Variants in CAST observed in about 807,000 individuals in gnomAD.
The protein encoded by CAST is MIR583 host.
In CAST, 76 loss-of-function variants were observed where a neutral mutation model predicts 119.6. The ratio of observed to expected loss-of-function variants is 0.64; its 90% CI spans 0.53 to 0.77. CAST has a LOEUF of 0.77. Ranked by LOEUF, CAST falls within the 30% of genes least tolerant of loss-of-function variation. CAST has a pLI of 0.00. For missense variants in CAST, 953 were observed against 946.5 expected, an observed-to-expected ratio of 1.01 and a Z score of -0.09; for synonymous variants, 319 against 331.6, an observed-to-expected ratio of 0.96 and a Z score of 0.41.
At chr5:96,034,527 C>T in the CAST span, among the ~76,000 whole-genome samples, 1 of 111,398 alleles carries the variant, frequency 9.0e-6, no homozygotes, top group Non-Finnish European at 2.0e-5. Flanking sequence ...GTGTATGCAT[C>T]CATTATATAT....
intron 1 of CAST, among the ~76,000 whole-genome samples, chr5:96,622,855 C>CTATTTTTT (rs1580850207): frequency 1.7e-5 from 1 of 58,812 alleles, no homozygotes; most frequent in Non-Finnish European, 3.2e-5. Flanking sequence ...ACTTATGGGA[C>CTATTTTTT]TCTTTTTTTT....
At chr5:96,354,385 A>G in the CAST span, among the ~76,000 whole-genome samples, 1 of 152,148 alleles carries the variant, frequency 6.6e-6, no homozygotes, top group Admixed American at 6.6e-5. Context: ...CACCCCATCT[A>G]TGTAGCTTCT....
At chr5:96,586,696 C>A (rs1746867405) in intron 1 of CAST, among the ~76,000 whole-genome samples, 1 of 152,194 alleles carries the variant, frequency 6.6e-6, no homozygotes, top group Non-Finnish European at 1.5e-5. Context: ...AGATTTGACC[C>A]TTACAACCAA....
chr5:96,640,092 A>T (rs770256003), intron 1 of CAST, among the ~76,000 whole-genome samples: 1 of 152,218 alleles, frequency 6.6e-6, no homozygotes, highest in Non-Finnish European at 1.5e-5. Context: ...CTCATGTGAC[A>T]TGCATGTATC....
At chr5:96,738,032 C>A in intron 11 of CAST, 85 bp downstream of exon 11, 1 of 767,152 alleles carries the variant, frequency 1.3e-6, no homozygotes, top group African/African-American at 1.8e-5. Flanking sequence ...CAAAAGAATA[C>A]CTAGTGAGGC....
At chr5:96,414,070 C>T in the CAST span, among the ~76,000 whole-genome samples, 3,252 of 142,790 alleles carry the variant, frequency 0.023, 118 homozygotes, top group African/African-American at 0.081. Flanking sequence ...ACCCGGGAGG[C>T]GGAGCTTGCA....
the CAST span, among the ~76,000 whole-genome samples, chr5:96,458,399 C>A: frequency 6.6e-6 from 1 of 152,098 alleles, no homozygotes; most frequent in Non-Finnish European, 1.5e-5. Flanking sequence ...CTAGAGAAGT[C>A]ATTACTACAC....
chr5:96,723,253 C>T (rs1296989324), intron 4 of CAST, among the ~76,000 whole-genome samples: 1 of 152,130 alleles, frequency 6.6e-6, no homozygotes, highest in Non-Finnish European at 1.5e-5. Context: ...GAATGAGCCA[C>T]CGTGCCCGTG....
At chr5:96,627,831 G>GAAT (rs1264982337) in intron 1 of CAST, among the ~76,000 whole-genome samples, 1 of 152,226 alleles carries the variant, frequency 6.6e-6, no homozygotes, top group Non-Finnish European at 1.5e-5. Flanking sequence ...CTATCCCTTA[G>GAAT]AAGCCCAGAG....
the CAST span, chr5:96,391,704 G>C: frequency 1.1e-4 from 17 of 152,358 alleles, no homozygotes; most frequent in African/African-American, 3.8e-4. Context: ...TGGGGACTGA[G>C]AGTCATCTAA....
At chr5:96,741,629 A>G in intron 15 of CAST, 49 bp downstream of exon 15, 2 of 1,263,474 alleles carry the variant, frequency 1.6e-6, no homozygotes, top group Non-Finnish European at 1.2e-6. Flanking sequence ...AGCCTGATCT[A>G]GCTCATTCAG....
At chr5:96,561,272 A>G (rs908194534) in intron 1 of CAST, among the ~76,000 whole-genome samples, 2 of 151,634 alleles carry the variant, frequency 1.3e-5, no homozygotes, top group Admixed American at 1.3e-4. Flanking sequence ...GAGTTAATGG[A>G]TGCAGCACAC....
the CAST span, among the ~76,000 whole-genome samples, chr5:96,240,735 CTTTTTTTTTTT>C: frequency 9.8e-5 from 10 of 102,444 alleles, no homozygotes; most frequent in African/African-American, 3.2e-4. Context: ...AGCTAACTTT[CTTTTTTTTTTT>C]TTTTTTTTTT....
chr5:96,346,041 G>T, the CAST span, among the ~76,000 whole-genome samples: 3 of 152,190 alleles, frequency 2.0e-5, no homozygotes, highest in Admixed American at 6.6e-5. Flanking sequence ...CCACCATAAA[G>T]GCTGTCACAA....
the CAST span, among the ~76,000 whole-genome samples, chr5:96,344,670 T>C: frequency 6.6e-6 from 1 of 152,204 alleles, no homozygotes; most frequent in African/African-American, 2.4e-5. Flanking sequence ...TTGTGGGGGA[T>C]ATGCTGGCTT....
chr5:96,212,374 T>C, the CAST span, among the ~76,000 whole-genome samples: 1 of 152,182 alleles, frequency 6.6e-6, no homozygotes, highest in Non-Finnish European at 1.5e-5. Flanking sequence ...GATCCATGGA[T>C]TATTTAGAAA....
the CAST span, among the ~76,000 whole-genome samples, chr5:96,137,254 G>A: frequency 1.3e-5 from 2 of 152,094 alleles, no homozygotes; most frequent in Admixed American, 1.3e-4. Context: ...TGACATAATT[G>A]GAATCATAGA....
At chr5:96,547,906 G>A (rs1295193084) in intron 1 of CAST, among the ~76,000 whole-genome samples, 1 of 152,204 alleles carries the variant, frequency 6.6e-6, no homozygotes. Context: ...TCCAAGGTCT[G>A]AGATCCAATA....
At chr5:96,594,751 T>C (rs965529735) in intron 1 of CAST, among the ~76,000 whole-genome samples, 2 of 152,246 alleles carry the variant, frequency 1.3e-5, no homozygotes, top group Non-Finnish European at 2.9e-5. Context: ...TATGATATTA[T>C]AGTAAACTCT....
Sources: gnomAD v4.1 joint callset for allele counts (sites outside exome capture counted in the v4.1 genomes callset) on GRCh38, gnomAD v4.1.1 for gene constraint, MANE v1.5 for transcripts, NCBI Gene and HGNC (gene_info 2026-07-23, HGNC 2026-07-21) for gene names.